Variants in MEGF8 observed in about 807,000 individuals in gnomAD.
MEGF8 encodes the protein multiple epidermal growth factor-like domains protein 8.
In MEGF8, 156 loss-of-function variants were observed where a neutral mutation model predicts 302.9. The observed-to-expected ratio is 0.52, with a 90% CI of 0.45 to 0.59. The LOEUF is 0.59. Among genes scored for constraint, MEGF8 ranks in the 20% least tolerant of loss-of-function variants. The pLI is 0.00. For synonymous variants in MEGF8, 1,621 were observed against 1,660.5 expected, an observed-to-expected ratio of 0.98 and a Z score of 0.58; for missense variants, 3,345 against 3,964.5, an observed-to-expected ratio of 0.84 and a Z score of 4.20.
At chr19:42,338,864 T>G (rs2039172603) in intron 8 of MEGF8, among the ~76,000 whole-genome samples, 1 of 145,284 alleles carries the variant, frequency 6.9e-6, no homozygotes, top group Admixed American at 6.9e-5. Flanking sequence ...AGACGGAGTT[T>G]CGCTCTGTCG....
chr19:42,371,369 G>A lies in MEGF8; in HGVS notation c.7156G>A (p.Ala2386Thr), dbSNP rs1425341413. 4 of 1,613,924 alleles carry A rather than the reference G, an allele frequency of 2.5e-6. No homozygotes were observed. The highest frequency in any genetic ancestry group is 2.2e-5 in the East Asian group (1 of 44,876). The change falls in exon 41 of 42, where the codon GCG (alanine) becomes ACG (threonine). Residue 2386 changes from alanine (A) to threonine (T), a missense_variant. By Grantham distance (58) the Ala-to-Thr change is moderately conservative. Transcript: ENST00000251268. ...CCCCAGATGCCAGTGTAATGGCCAC[G>A]CGGACACATGTAACGAGCAGGATGG... Reference protein sequence around the residue: ...KCTKCQCNGHADTCNEQDGTG... With the variant: ...KCTKCQCNGHTDTCNEQDGTG...
chr19:42,352,046 A>G lies in MEGF8; in HGVS notation c.3102-162A>G, dbSNP rs1045451237. On this transcript the variant is annotated intron_variant, in intron 18 of 41. Coordinates refer to ENST00000251268, the MANE Select transcript of MEGF8 (RefSeq NM_001271938.2). This position sits in a 1 kb window ranked among gnomAD's most constrained non-coding sequence, Gnocchi z 4.4. ...CTATGTCTCTCTTCTGTCTTCCAAA[A>G]TTGTTTTTGTCTGCGACTTCTCCTG... is the stretch of plus-strand genomic sequence containing the variant. Among the ~76,000 whole-genome samples, 4 of 151,840 alleles carry G rather than the reference A, an allele frequency of 2.6e-5. No homozygotes were observed. Among genetic ancestry groups the G allele is most frequent in the African/African-American group, 7.3e-5 (3 of 41,304 alleles).
In MEGF8 at chr19:42,358,193, C is replaced by T. The variant is rs767163810; in HGVS notation, c.5061C>T (p.Tyr1687=). The T allele has an allele frequency of 8.3e-5, 133 of 1,602,770 alleles. No homozygotes were observed. The highest frequency in any genetic ancestry group is 3.3e-4 in the Middle Eastern group (2 of 6,072). ...AVYHEATDSL[Y]VFGGFRFHVE... The stretch of plus-strand genomic sequence containing the variant: ...ACCACGAGGCCACCGACTCCCTCTA[C>T]GTGTTTGGGGGGTTCCGATTCCATG... The change falls in exon 29 of 42, where the codon TAC becomes TAT. Residue 1687 remains tyrosine, a synonymous_variant. Transcript: ENST00000251268. This position sits in a 1 kb window ranked among gnomAD's most constrained non-coding sequence, Gnocchi z 4.4.
rs1004050562 is a variant in MEGF8, at chr19:42,377,786, C to CA, written c.*1027dup. ...TGGGTGACAGAGCGAGACTCCACCT[C>CA]AAAAAAAAAAAAAAAATTTAAGAGG... is the stretch of plus-strand genomic sequence containing the variant. On this transcript the variant is annotated 3_prime_UTR_variant, in exon 42 of 42. Transcript: ENST00000251268. 0.021 allele frequency: 2,334 copies of CA among 112,178 alleles called. 28 individuals carry two copies. Among genetic ancestry groups the CA allele is most frequent in the South Asian group, 0.081 (297 of 3,664 alleles). 6.9% of individuals were successfully genotyped at this position (112,178 alleles called of 1,614,324 possible).
chr19:42,352,357 G>T lies in MEGF8; in HGVS notation c.3251G>T (p.Arg1084Leu), dbSNP rs865798770. Residue 1084 changes from arginine to leucine, a missense_variant, in exon 19 of 42, where the codon CGG (arginine) becomes CTG (leucine). Coordinates refer to ENST00000251268, the MANE Select transcript of MEGF8 (RefSeq NM_001271938.2). This position sits in a 1 kb window ranked among gnomAD's most constrained non-coding sequence, Gnocchi z 4.4. ...DVDECRLGLA[R>L]CHPRATCLNT... ...GATGAGTGTCGCCTGGGCCTGGCCC[G>T]GTGCCACCCGCGGGCGACCTGCCTG... 6.3e-7 allele frequency: 1 copy of T among 1,588,542 alleles called. No individual in the cohort carries two copies. Among genetic ancestry groups the T allele is most frequent in the East Asian group, 2.3e-5 (1 of 43,526 alleles).
chr19:42,353,423 A>G lies in MEGF8; in HGVS notation c.3551-42A>G, dbSNP rs1227708272. On this transcript the variant is annotated intron_variant, in intron 20 of 41. Transcript: ENST00000251268. This position sits in a 1 kb window ranked among gnomAD's most constrained non-coding sequence, Gnocchi z 6.1. ...AGCCAGTAGGCCTGGGCCTGTTTCCACCCTTGACTTGACTCTGTCCCACCT... is the reference window on the plus strand; with the variant it reads ...AGCCAGTAGGCCTGGGCCTGTTTCCGCCCTTGACTTGACTCTGTCCCACCT... 1.3e-6 allele frequency: 2 copies of G among 1,591,942 alleles called. No individual in the cohort carries two copies. Among genetic ancestry groups the G allele is most frequent in the Non-Finnish European group, 1.7e-6 (2 of 1,170,306 alleles).
In MEGF8 at chr19:42,336,758, A is replaced by G; in HGVS notation, c.1245-49A>G. Reference sequence around the variant, plus strand: ...TGGCTCCTAAGAGCCTGGAGGAGGGAGAGAGACGCTTCCTGCCCTGAGCCC... The same window carrying G: ...TGGCTCCTAAGAGCCTGGAGGAGGGGGAGAGACGCTTCCTGCCCTGAGCCC... On this transcript the variant is annotated intron_variant, in intron 6 of 41. Transcript: ENST00000251268. This position sits in a 1 kb window ranked among gnomAD's most constrained non-coding sequence, Gnocchi z 4.8. 6.5e-7 allele frequency: 1 copy of G among 1,528,052 alleles called. No individual in the cohort carries two copies. The highest frequency in any genetic ancestry group is 8.8e-7 in the Non-Finnish European group (1 of 1,139,438). The allele number at this position is 1,528,052 out of a possible 1,614,324, so 94.7% of individuals were successfully genotyped here.
Position 42,344,106 on chromosome 19 carries a change from G to A in MEGF8, c.1788+33G>A, listed in dbSNP as rs2039253324. On this transcript the variant is annotated intron_variant, in intron 10 of 41. Coordinates refer to ENST00000251268, the MANE Select transcript of MEGF8 (RefSeq NM_001271938.2). This position sits in a 1 kb window ranked among gnomAD's most constrained non-coding sequence, Gnocchi z 4.5. Reference sequence around the variant, plus strand: ...ACAGCCCTAGACCCTCTGTTCCCTAGCATAGAGACCTGCCCTCAGTGTCTC... The same window carrying A: ...ACAGCCCTAGACCCTCTGTTCCCTAACATAGAGACCTGCCCTCAGTGTCTC... 6.2e-7 allele frequency: 1 copy of A among 1,608,040 alleles called. No individual in the cohort carries two copies. Among genetic ancestry groups the A allele is most frequent in the Non-Finnish European group, 8.5e-7 (1 of 1,177,920 alleles).
chr19:42,350,914 A>G (rs2039359561), intron 15 of MEGF8, among the ~76,000 whole-genome samples: 1 of 152,092 alleles, frequency 6.6e-6, no homozygotes, highest in African/African-American at 2.4e-5. Flanking sequence ...TCCTGGGCCA[A>G]TGACTGGAGT....
chr19:42,358,980 G>A lies in MEGF8; in HGVS notation c.5343+26G>A. 6.2e-7 allele frequency: 1 copy of A among 1,601,220 alleles called. No homozygotes were observed. The highest frequency in any genetic ancestry group is 1.7e-5 in the Admixed American group (1 of 57,656). Reference sequence around the variant, plus strand: ...GTGAGATTTGAAGAGGGTTAGGATTGGGTGGGCTGGTAGGGGGGGATAGGT... The same window carrying A: ...GTGAGATTTGAAGAGGGTTAGGATTAGGTGGGCTGGTAGGGGGGGATAGGT... On this transcript the variant is annotated intron_variant, in intron 30 of 41. Coordinates refer to ENST00000251268, the MANE Select transcript of MEGF8 (RefSeq NM_001271938.2). This position sits in a 1 kb window ranked among gnomAD's most constrained non-coding sequence, Gnocchi z 4.4.
Position 42,335,023 on chromosome 19 carries a change from C to T in MEGF8, c.559-12C>T. 1 of 1,599,334 alleles carries T rather than the reference C, an allele frequency of 6.3e-7. No individual in the cohort carries two copies. The highest frequency in any genetic ancestry group is 1.1e-5 in the South Asian group (1 of 90,280). ...CTCTCTTATCTCTGCCTTTATGTCT[C>T]CTTTCCCGCAGCCCCTGGGACCATG... On this transcript the variant is annotated splice_polypyrimidine_tract_variant and intron_variant, in intron 3 of 41. Transcript: ENST00000251268.
At chr19:42,365,688 C>G (rs75312671) in intron 35 of MEGF8, among the ~76,000 whole-genome samples, 6 of 145,554 alleles carry the variant, frequency 4.1e-5, no homozygotes, top group African/African-American at 1.5e-4. Context: ...GGGAGGATCA[C>G]TTGTGTCTGG....
rs1282988888 is a variant in MEGF8, at chr19:42,357,688, CCT to C, written c.5011+109_5011+110del. On this transcript the variant is annotated intron_variant, in intron 28 of 41. Coordinates refer to ENST00000251268, the MANE Select transcript of MEGF8 (RefSeq NM_001271938.2). The surrounding 1 kb of genome is among the most constrained non-coding windows in gnomAD (Gnocchi z 5.2). The stretch of plus-strand genomic sequence containing the variant: ...GCTGTGCTCTGTGGCCACCTGTCTC[CCT>C]CTCTTTCCCATCCCCATGCAGATTC... 15 of 1,018,278 alleles carry C rather than the reference CCT, an allele frequency of 1.5e-5. No homozygotes were observed. The highest frequency in any genetic ancestry group is 1.1e-4 in the African/African-American group (7 of 61,844). 63.1% of individuals were successfully genotyped at this position (1,018,278 alleles called of 1,614,324 possible).
At chr19:42,345,125 C>T (rs891138381) in intron 12 of MEGF8, among the ~76,000 whole-genome samples, 4 of 152,204 alleles carry the variant, frequency 2.6e-5, no homozygotes, top group African/African-American at 7.2e-5. Flanking sequence ...ATGCCCGCCA[C>T]TGCGCCCAGC....
At chr19:42,349,009 G>A (rs1488575741) in intron 13 of MEGF8, among the ~76,000 whole-genome samples, 1 of 152,168 alleles carries the variant, frequency 6.6e-6, no homozygotes, top group Non-Finnish European at 1.5e-5. Flanking sequence ...GACTTGAAAG[G>A]CCCCTGAAGG....
chr19:42,335,905 C>T (rs1221923601), intron 5 of MEGF8, 26 bp from the exon 6 acceptor site: 49 of 1,449,642 alleles, frequency 3.4e-5, no homozygotes, highest in Non-Finnish European at 4.2e-5. Flanking sequence ...GTGTCTCTAC[C>T]TCTGTCTCTT....
Position 42,363,096 on chromosome 19 carries a change from G to A in MEGF8, c.6107G>A (p.Cys2036Tyr), listed in dbSNP as rs2039557171. 1 of 1,613,378 alleles carries A rather than the reference G, an allele frequency of 6.2e-7. No individual in the cohort carries two copies. The highest frequency in any genetic ancestry group is 8.5e-7 in the Non-Finnish European group (1 of 1,179,658). ...LSVQPTYDWT[C>Y]FSHSLLNVSP... is the part of the protein sequence containing the mutation. ...GTGCAGCCCACCTATGACTGGACGTGCTTCAGCCACTCTCTGCTGAATGTG... is the reference window on the plus strand; with the variant it reads ...GTGCAGCCCACCTATGACTGGACGTACTTCAGCCACTCTCTGCTGAATGTG... Residue 2036 changes from cysteine to tyrosine, a missense_variant, in exon 35 of 42, where the codon TGC becomes TAC. Physicochemically the swap from Cys to Tyr is radical, Grantham distance 194. Coordinates refer to ENST00000251268, the MANE Select transcript of MEGF8 (RefSeq NM_001271938.2).
At chr19:42,340,855 T>C (rs1044595415) in intron 8 of MEGF8, among the ~76,000 whole-genome samples, 2 of 151,534 alleles carry the variant, frequency 1.3e-5, no homozygotes, top group African/African-American at 2.4e-5. Context: ...TTTGGTAGAG[T>C]TGAAGTTTTG....
intron 12 of MEGF8, among the ~76,000 whole-genome samples, chr19:42,347,444 A>G (rs1332391417): frequency 1.3e-5 from 2 of 151,562 alleles, no homozygotes; most frequent in Non-Finnish European, 2.9e-5. Context: ...TAGCCTCCCA[A>G]GTAGCTGGGA....
Sources: allele counts gnomAD v4.1 joint callset (sites outside exome capture counted in the v4.1 genomes callset), GRCh38; gene constraint gnomAD v4.1.1; non-coding constraint Gnocchi (gnomAD v3.1); transcripts MANE v1.5; gene names NCBI Gene and HGNC (gene_info 2026-07-23, HGNC 2026-07-21).